CNBD2: variants seen among roughly 807,000 people sequenced by gnomAD.
The protein encoded by CNBD2 is cyclic nucleotide binding domain containing 2.
CNBD2 carries 64 observed loss-of-function variants against 63.7 expected under a neutral mutation model. The observed-to-expected ratio is 1.00, with a 90% CI of 0.82 to 1.24. The LOEUF is 1.24. Ranked by LOEUF, CNBD2 falls within the 50% of genes most tolerant of loss-of-function variation. CNBD2 has a pLI of 0.00. For missense variants in CNBD2, 691 were observed against 713.5 expected, an observed-to-expected ratio of 0.97 and a Z score of 0.36; for synonymous variants, 229 against 255.4, an observed-to-expected ratio of 0.90 and a Z score of 0.99.
intron 8 of CNBD2, among the ~76,000 whole-genome samples, chr20:36,004,096 A>G (rs2056951988): frequency 6.6e-6 from 1 of 152,164 alleles, no homozygotes; most frequent in Admixed American, 6.5e-5. Flanking sequence ...CAGTTTTTTT[A>G]TAACCTAATG....
At chr20:35,988,186 A>G (rs1027808681) in intron 7 of CNBD2, among the ~76,000 whole-genome samples, 2 of 146,284 alleles carry the variant, frequency 1.4e-5, no homozygotes, top group African/African-American at 5.1e-5. Context: ...TTTTTGAGAC[A>G]GAGTCTTGCT....
chr20:35,972,617 T>C lies in CNBD2; in HGVS notation c.52-12T>C. The stretch of plus-strand genomic sequence containing the variant: ...ATGGTTTCTATTGATCTTGTTTGCT[T>C]TGTTTCCATAGGGACTGTACCAGCT... On this transcript the variant is annotated splice_polypyrimidine_tract_variant and intron_variant, in intron 1 of 11. Transcript: ENST00000373973. The C allele has an allele frequency of 6.2e-7, 1 of 1,613,878 alleles. No homozygotes were observed.
chr20:36,011,024 A>T (rs1284471236), intron 9 of CNBD2, 113 bp from the exon 10 acceptor site: 1 of 1,157,222 alleles, frequency 8.6e-7, no homozygotes, highest in East Asian at 2.8e-5. Flanking sequence ...GGAAGTTGTG[A>T]ATTCCCCAGG....
In CNBD2 at chr20:35,976,387, C is replaced by T. The variant is rs536562568; in HGVS notation, c.243+385C>T. 2.6e-4 allele frequency among the ~76,000 whole-genome samples: 40 copies of T among 152,282 alleles called. 1 individual carries two copies. In the South Asian group the frequency reaches 7.5e-3, roughly 28 times the overall value. On this transcript the variant is annotated intron_variant, in intron 3 of 11. Transcript: ENST00000373973. ...GACCTGTGTGAATTCTGGTTCTACC[C>T]TGAATTCTCTGAGAGATGCTGGGCA...
At chr20:35,998,167 G>A (rs748427773) in intron 8 of CNBD2, among the ~76,000 whole-genome samples, 6 of 149,162 alleles carry the variant, frequency 4.0e-5, no homozygotes, top group East Asian at 2.0e-4. Context: ...TCAGCCTCCC[G>A]AGTAGCTGGG....
chr20:35,954,695 A>G, upstream of CNBD2: 1 of 1,125,838 alleles, frequency 8.9e-7, no homozygotes, highest in South Asian at 1.6e-5. Context: ...GAGGAGCCTG[A>G]ATGTTTGGAG....
intron 11 of CNBD2, among the ~76,000 whole-genome samples, chr20:36,026,522 T>G (rs1378193315): frequency 6.6e-6 from 1 of 152,064 alleles, no homozygotes; most frequent in East Asian, 1.9e-4. Flanking sequence ...AAGTCCAAAC[T>G]CAATGCTACC....
chr20:35,987,052 G>A (rs976819196), intron 6 of CNBD2, among the ~76,000 whole-genome samples: 1 of 151,954 alleles, frequency 6.6e-6, no homozygotes, highest in Non-Finnish European at 1.5e-5. Context: ...CTAGCTTCAT[G>A]AGCCACGGTG....
chr20:35,995,842 A>G (rs566410501), intron 8 of CNBD2, among the ~76,000 whole-genome samples: 2 of 152,274 alleles, frequency 1.3e-5, no homozygotes, highest in Admixed American at 1.3e-4. Flanking sequence ...TTCTATTTCT[A>G]TAACTGAATA....
intron 11 of CNBD2, among the ~76,000 whole-genome samples, chr20:36,029,563 T>A (rs888824814): frequency 6.6e-6 from 1 of 152,038 alleles, no homozygotes. Context: ...TGAGAAGAGG[T>A]GCACACGGTC....
At position 36,011,123 on chromosome 20, in the gene CNBD2, C is replaced by A; in HGVS notation, c.1149-14C>A. 2 of 1,516,924 alleles carry A rather than the reference C, an allele frequency of 1.3e-6. No homozygotes were observed. The highest frequency in any genetic ancestry group is 1.8e-6 in the Non-Finnish European group (2 of 1,127,220). The allele number at this position is 1,516,924 out of a possible 1,614,324, so 94.0% of individuals were successfully genotyped here. ...TGTTACAGATGAGCTCTCTAACAAGCTGTCACATTTCAGATCCAGGCCTGC... is the reference window on the plus strand; with the variant it reads ...TGTTACAGATGAGCTCTCTAACAAGATGTCACATTTCAGATCCAGGCCTGC... On this transcript the variant is annotated splice_polypyrimidine_tract_variant and intron_variant, in intron 9 of 11. Transcript: ENST00000373973.
chr20:36,011,035 G>A (rs117808358), intron 9 of CNBD2, 102 bp from the exon 10 acceptor site: 14,648 of 1,231,860 alleles, frequency 0.012, 110 homozygotes, highest in Non-Finnish European at 0.014. Context: ...ATTCCCCAGG[G>A]AGGGGAGCCC....
In CNBD2 at chr20:35,976,719, GATATTAAATATTA is replaced by G. The variant is rs1441958080; in HGVS notation, c.243+719_243+731del. On this transcript the variant is annotated intron_variant, in intron 3 of 11. Coordinates refer to ENST00000373973, the MANE Select transcript of CNBD2 (RefSeq NM_001365709.1). The stretch of plus-strand genomic sequence containing the variant: ...CTTGGCTTCTCTCCATGATATCCTG[GATATTAAATATTA>G]AAATCCAATTTAAAATTTAAAAGAG... Among the ~76,000 whole-genome samples the G allele has an allele frequency of 1.4e-4, 21 of 152,146 alleles. 1 individual carries two copies. The East Asian group carries it at 2.1e-3, about 15-fold the overall frequency.
At chr20:36,020,686 A>G (rs1435967893) in intron 10 of CNBD2, among the ~76,000 whole-genome samples, 2 of 152,106 alleles carry the variant, frequency 1.3e-5, no homozygotes, top group Non-Finnish European at 2.9e-5. Flanking sequence ...AAATTCATAT[A>G]TATATGTTTC....
intron 10 of CNBD2, among the ~76,000 whole-genome samples, chr20:36,013,655 G>A (rs1241199394): frequency 6.6e-6 from 1 of 152,158 alleles, no homozygotes; most frequent in African/African-American, 2.4e-5. Context: ...CATGAAGGTA[G>A]GGATTAACAA....
chr20:35,970,569 G>T (rs904880707), intron 1 of CNBD2, among the ~76,000 whole-genome samples: 7 of 150,230 alleles, frequency 4.7e-5, no homozygotes, highest in Non-Finnish European at 7.4e-5. Flanking sequence ...GCTAATTTTT[G>T]TTTTTTTTAG....
chr20:36,007,162 C>G (rs1203781962), intron 8 of CNBD2, among the ~76,000 whole-genome samples: 2 of 151,616 alleles, frequency 1.3e-5, no homozygotes, highest in African/African-American at 4.9e-5. Context: ...GCACTTCAGC[C>G]TGGGCGACAG....
intron 8 of CNBD2, among the ~76,000 whole-genome samples, chr20:35,998,029 T>G (rs534402161): frequency 8.0e-5 from 12 of 150,058 alleles, no homozygotes. Context: ...ACTGATTTCT[T>G]TTTTCTTTTT....
At chr20:35,994,837 C>T (rs112343678) in intron 7 of CNBD2, among the ~76,000 whole-genome samples, 5,427 of 152,044 alleles carry the variant, frequency 0.036, 337 homozygotes, top group African/African-American at 0.12. Flanking sequence ...TGCAGTGAGC[C>T]GAGATTGCCC....
Sources: allele counts gnomAD v4.1 joint callset (sites outside exome capture counted in the v4.1 genomes callset), GRCh38; gene constraint gnomAD v4.1.1; transcripts MANE v1.5; gene names NCBI Gene and HGNC (gene_info 2026-07-23, HGNC 2026-07-21).